Variants in SMYD3 observed in about 807,000 individuals in gnomAD.
SMYD3 encodes SET and MYND domain containing 3, also known as histone-lysine N-methyltransferase SMYD3.
In SMYD3, 36 loss-of-function variants were observed where a neutral mutation model predicts 57.7. The observed-to-expected ratio is 0.62, with a 90% confidence interval of 0.48 to 0.82. The LOEUF is 0.82. Ranked by LOEUF, SMYD3 falls within the 40% of genes least tolerant of loss-of-function variation. The pLI is 0.00. For synonymous variants in SMYD3, 211 were observed against 195.0 expected, an observed-to-expected ratio of 1.08 and a Z score of -0.68; for missense variants, 515 against 538.8, an observed-to-expected ratio of 0.96 and a Z score of 0.44.
At chr1:245,762,467 A>G (rs541524281) in intron 11 of SMYD3, among the ~76,000 whole-genome samples, 15 of 152,264 alleles carry the variant, frequency 9.9e-5, no homozygotes, top group Non-Finnish European at 1.5e-4. Flanking sequence ...GGCCCTTGAT[A>G]AGGATTTGCT....
chr1:245,947,314 T>G (rs1019192938), intron 5 of SMYD3: 13 of 454,386 alleles, frequency 2.9e-5, no homozygotes, highest in African/African-American at 2.2e-4. Flanking sequence ...CACTCTGTCA[T>G]GTGAATGTCA....
chr1:245,978,376 T>C (rs912029777), intron 5 of SMYD3, among the ~76,000 whole-genome samples: 1 of 152,080 alleles, frequency 6.6e-6, no homozygotes, highest in Non-Finnish European at 1.5e-5. Flanking sequence ...TTAACCACAA[T>C]TGCAATGAAG....
intron 5 of SMYD3, among the ~76,000 whole-genome samples, chr1:246,287,020 G>A (rs115108872): frequency 0.023 from 3,540 of 151,728 alleles, 63 homozygotes; most frequent in Non-Finnish European, 0.028. Flanking sequence ...ACAGTTGTGC[G>A]CCACCAGGAC....
At position 246,276,126 on chromosome 1, in the gene SMYD3, C is replaced by A. The variant is rs1465809672; in HGVS notation, c.531+51075G>T. On this transcript the variant is annotated intron_variant, in intron 5 of 11. Coordinates refer to ENST00000490107, the MANE Select transcript of SMYD3 (RefSeq NM_001167740.2). ...CTGTTTTTCACTAGTCGTATTAACACTGGCAGGTTATTTAATGTCTGTAGT... is the reference window on the plus strand; with the variant it reads ...CTGTTTTTCACTAGTCGTATTAACAATGGCAGGTTATTTAATGTCTGTAGT... Among the ~76,000 whole-genome samples, 10 of 122,978 alleles carry A rather than the reference C, an allele frequency of 8.1e-5. 1 individual carries two copies. Among genetic ancestry groups the A allele is most frequent in the Admixed American group, 4.9e-4 (6 of 12,166 alleles). 80.7% of individuals were successfully genotyped at this position (122,978 alleles called of 152,430 possible).
At chr1:245,839,606 G>T (rs901952080) in intron 10 of SMYD3, among the ~76,000 whole-genome samples, 1 of 151,738 alleles carries the variant, frequency 6.6e-6, no homozygotes, top group Non-Finnish European at 1.5e-5. Context: ...AAAATGTTCC[G>T]AAATTGATTG....
chr1:245,806,246 T>C (rs1330048413), intron 10 of SMYD3, among the ~76,000 whole-genome samples: 1 of 152,106 alleles, frequency 6.6e-6, no homozygotes, highest in African/African-American at 2.4e-5. Context: ...ATACCAGAAG[T>C]AAAAAAGAGA....
In SMYD3 at chr1:245,814,736, T is replaced by C. The variant is rs143806829; in HGVS notation, c.1076+43760A>G. 2.4e-3 allele frequency among the ~76,000 whole-genome samples: 371 copies of C among 152,242 alleles called. 2 individuals carry two copies. The highest frequency in any genetic ancestry group is 8.4e-3 in the African/African-American group (351 of 41,544). The stretch of plus-strand genomic sequence containing the variant: ...TAAGATCTTCTACTAGACAGAATTT[T>C]GGAATTCCCAGCAGACCTGTTTCCC... On this transcript the variant is annotated intron_variant, in intron 10 of 11. Coordinates refer to ENST00000490107, the MANE Select transcript of SMYD3 (RefSeq NM_001167740.2).
intron 5 of SMYD3, among the ~76,000 whole-genome samples, chr1:246,269,543 C>CTTTTTTTTTTTTTTTTTT (rs570972296): frequency 5.2e-5 from 7 of 135,234 alleles, no homozygotes; most frequent in Non-Finnish European, 1.1e-4. Context: ...CTTTTTTTTT[C>CTTTTTTTTTTTTTTTTTT]TTTTTTTTTT....
At chr1:246,046,589 C>T (rs1378741778) in intron 5 of SMYD3, among the ~76,000 whole-genome samples, 4 of 150,052 alleles carry the variant, frequency 2.7e-5, no homozygotes, top group African/African-American at 9.8e-5. Context: ...CAAACCTGCA[C>T]GTTGTGTGCA....
At position 246,020,627 on chromosome 1, in the gene SMYD3, C is replaced by T. The variant is rs56072541; in HGVS notation, c.532-90690G>A. Among the ~76,000 whole-genome samples, 66 of 152,254 alleles carry T rather than the reference C, an allele frequency of 4.3e-4. 1 individual carries two copies. The highest frequency in any genetic ancestry group is 1.5e-3 in the African/African-American group (63 of 41,556). Reference sequence around the variant, plus strand: ...TAGCTAACACTTATTGAACTGAGCGCTATATGTCAGATAGTATTCTAAATG... The same window carrying T: ...TAGCTAACACTTATTGAACTGAGCGTTATATGTCAGATAGTATTCTAAATG... On this transcript the variant is annotated intron_variant, in intron 5 of 11. Coordinates refer to ENST00000490107, the MANE Select transcript of SMYD3 (RefSeq NM_001167740.2).
rs114366375 is a variant in SMYD3, at chr1:246,301,393, T to C, written c.531+25808A>G. Among the ~76,000 whole-genome samples, 462 of 152,026 alleles carry C rather than the reference T, an allele frequency of 3.0e-3. 2 individuals are homozygous for C. The highest frequency in any genetic ancestry group is 9.6e-3 in the African/African-American group (396 of 41,454). ...CAGGATGAGATGAGTGCTGGAAAAATTCCATAGGTGCCCGAAAGGGAGGTA... is the reference window on the plus strand; with the variant it reads ...CAGGATGAGATGAGTGCTGGAAAAACTCCATAGGTGCCCGAAAGGGAGGTA... On this transcript the variant is annotated intron_variant, in intron 5 of 11. Transcript: ENST00000490107.
At chr1:246,451,341 G>A (rs983929355) in intron 1 of SMYD3, among the ~76,000 whole-genome samples, 4 of 152,126 alleles carry the variant, frequency 2.6e-5, no homozygotes, top group South Asian at 4.1e-4. Flanking sequence ...GAAAAGACAC[G>A]GAGGAAACTT....
chr1:246,481,746 A>G (rs2068111577), intron 1 of SMYD3, among the ~76,000 whole-genome samples: 1 of 147,180 alleles, frequency 6.8e-6, no homozygotes, highest in African/African-American at 2.6e-5. Flanking sequence ...ATATATGATC[A>G]TATATGATTA....
At chr1:245,795,438 T>C (rs2047482919) in intron 10 of SMYD3, among the ~76,000 whole-genome samples, 1 of 152,210 alleles carries the variant, frequency 6.6e-6, no homozygotes, top group Non-Finnish European at 1.5e-5. Context: ...CCTGTTACAT[T>C]CCAGGAGCCA....
intron 1 of SMYD3, among the ~76,000 whole-genome samples, chr1:246,448,704 TAA>T (rs1553349829): frequency 1.1e-4 from 9 of 81,428 alleles, no homozygotes; most frequent in Non-Finnish European, 1.1e-4. Flanking sequence ...CTCTTTTTTT[TAA>T]AAAAAAAAAA....
intron 5 of SMYD3, among the ~76,000 whole-genome samples, chr1:246,002,396 G>A (rs112605135): frequency 4.0e-5 from 2 of 49,510 alleles, no homozygotes; most frequent in East Asian, 4.4e-4. Context: ...GTGTTAGCCA[G>A]GATGGTCTCG....
At chr1:246,163,391 G>A (rs1362158665) in intron 5 of SMYD3, among the ~76,000 whole-genome samples, 1 of 152,146 alleles carries the variant, frequency 6.6e-6, no homozygotes, top group Non-Finnish European at 1.5e-5. Context: ...AGATTGTATT[G>A]CTCTTTAACC....
intron 1 of SMYD3, among the ~76,000 whole-genome samples, chr1:246,406,815 G>A (rs547272381): frequency 1.1e-4 from 17 of 152,314 alleles, no homozygotes; most frequent in South Asian, 8.3e-4. Flanking sequence ...CACAGCCATC[G>A]TGCAAAATTG....
At position 245,970,061 on chromosome 1, in the gene SMYD3, G is replaced by A. The variant is rs552725458; in HGVS notation, c.532-40124C>T. ...GCATCATGCTACCTGACTTCAAACTGTACTACAAGGCTACAGCAGCCAAAA... is the reference window on the plus strand; with the variant it reads ...GCATCATGCTACCTGACTTCAAACTATACTACAAGGCTACAGCAGCCAAAA... On this transcript the variant is annotated intron_variant, in intron 5 of 11. Transcript: ENST00000490107. 1.5e-3 allele frequency among the ~76,000 whole-genome samples: 230 copies of A among 152,212 alleles called. 1 individual carries two copies. The highest frequency in any genetic ancestry group is 2.9e-3 in the Non-Finnish European group (200 of 68,016).
Sources: gnomAD v4.1 joint callset for allele counts (sites outside exome capture counted in the v4.1 genomes callset) on GRCh38, gnomAD v4.1.1 for gene constraint, MANE v1.5 for transcripts, NCBI Gene and HGNC (gene_info 2026-07-23, HGNC 2026-07-21) for gene names.